GUCA1C: variants seen among roughly 807,000 people sequenced by gnomAD.
GUCA1C encodes the protein guanylate cyclase activator 1C, also known as guanylyl cyclase-activating protein 3.
Under a neutral mutation model 16.2 loss-of-function variants are expected in GUCA1C, and 15 were observed. The observed-to-expected ratio is 0.93, with a 90% CI of 0.62 to 1.43. The LOEUF (loss-of-function observed/expected upper bound fraction) is 1.43, where lower values mean the gene tolerates loss of function less well. GUCA1C is among the 40% of genes most tolerant of loss of function. The pLI is 0.00. For missense variants in GUCA1C, 275 were observed against 244.8 expected (o/e 1.12, Z -0.82); for synonymous variants, 78 against 85.4 (o/e 0.91, Z 0.48).
chr3:108,940,654 C>A (rs142267630), intron 1 of GUCA1C, among the ~76,000 whole-genome samples: 1 of 152,332 alleles, frequency 6.6e-6, no homozygotes, highest in African/African-American at 2.4e-5. Flanking sequence ...GCAACTCCTG[C>A]ACCTGTAGAA....
chr3:108,933,427 T>C (rs910546930), intron 1 of GUCA1C, among the ~76,000 whole-genome samples: 3 of 152,082 alleles, frequency 2.0e-5, no homozygotes, highest in Non-Finnish European at 4.4e-5. Context: ...GGAGGAGGTG[T>C]CAGGATATGA....
At chr3:108,936,344 A>T (rs1321140075) in intron 1 of GUCA1C, among the ~76,000 whole-genome samples, 1 of 152,216 alleles carries the variant, frequency 6.6e-6, no homozygotes, top group African/African-American at 2.4e-5. Flanking sequence ...TTTTTCAAAA[A>T]AAAAGAAAGA....
intron 2 of GUCA1C, among the ~76,000 whole-genome samples, chr3:108,916,494 G>A (rs557313549): frequency 6.6e-6 from 1 of 152,302 alleles, no homozygotes; most frequent in East Asian, 1.9e-4. Context: ...GAGCCCATTG[G>A]AGAAAATATT....
At chr3:108,938,784 T>C (rs1946754990) in intron 1 of GUCA1C, among the ~76,000 whole-genome samples, 1 of 152,246 alleles carries the variant, frequency 6.6e-6, no homozygotes, top group Admixed American at 6.5e-5. Context: ...ACTGTTGTTC[T>C]TGACTTGACC....
chr3:108,952,240 G>A (rs888295738), intron 1 of GUCA1C, among the ~76,000 whole-genome samples: 3 of 152,202 alleles, frequency 2.0e-5, no homozygotes, highest in African/African-American at 4.8e-5. Context: ...TACACAGGGA[G>A]AGGCAAATAA....
At chr3:108,954,119 T>C (rs36015028), upstream of GUCA1C, among the ~76,000 whole-genome samples, 5,584 of 152,222 alleles carry the variant, frequency 0.037, 204 homozygotes, top group Middle Eastern at 0.12. Flanking sequence ...GGCAGGAACT[T>C]TGAGTTGCAA....
rs773271216 is a variant in GUCA1C at position 108,916,040 on chromosome 3, T to C, written c.442+87A>G. 9.0e-6 allele frequency: 14 copies of C among 1,563,052 alleles called. No individual in the cohort carries two copies. The African/African-American group carries it at 1.2e-4, about 14-fold the overall frequency. Reference sequence around the variant, plus strand: ...TCACAACTAGGGTTCTCTTGAATGGTTCCTGCTTTTGTCTAAATAACACTC... The same window carrying C: ...TCACAACTAGGGTTCTCTTGAATGGCTCCTGCTTTTGTCTAAATAACACTC... On this transcript the variant is annotated intron_variant, in intron 3 of 3. Coordinates refer to ENST00000261047, the MANE Select transcript of GUCA1C (RefSeq NM_005459.4).
At chr3:108,951,736 C>T (rs1348134224) in intron 1 of GUCA1C, among the ~76,000 whole-genome samples, 3 of 152,204 alleles carry the variant, frequency 2.0e-5, no homozygotes, top group African/African-American at 7.2e-5. Context: ...AACATAAAAT[C>T]TCTTTGATGA....
At chr3:108,950,788 T>C (rs969903530) in intron 1 of GUCA1C, among the ~76,000 whole-genome samples, 1 of 151,972 alleles carries the variant, frequency 6.6e-6, no homozygotes, top group African/African-American at 2.4e-5. Context: ...CTGTGAAATG[T>C]GAGGTTGACA....
chr3:108,913,152 T>C (rs1946473242), intron 3 of GUCA1C, among the ~76,000 whole-genome samples: 1 of 152,056 alleles, frequency 6.6e-6, no homozygotes, highest in Admixed American at 6.6e-5. Flanking sequence ...TTGTGTGCTG[T>C]GATCATCTTT....
chr3:108,910,454 C>T (rs12630801), intron 3 of GUCA1C, among the ~76,000 whole-genome samples: 92,002 of 149,764 alleles, frequency 0.61, 29,078 homozygotes, highest in East Asian at 0.78. Context: ...GCCGAGATGG[C>T]GCCACTGCAC....
rs71106611 is a variant in GUCA1C at position 108,932,340 on chromosome 3, C to CA, written c.205-11756dup. Among the ~76,000 whole-genome samples, 226 of 117,858 alleles carry CA rather than the reference C, an allele frequency of 1.9e-3. 4 individuals carry two copies. In the South Asian group the frequency reaches 0.03, roughly 16 times the overall value. The allele number at this position is 117,858 out of a possible 152,430, so 77.3% of individuals were successfully genotyped here. On this transcript the variant is annotated intron_variant, in intron 1 of 3. Transcript: ENST00000261047. ...CCTCCCACCAAAAAAAAAAAAAAAA[C>CA]AAAAAAAAAAAACAGCATCAAAGCT...
chr3:108,927,108 G>A (rs1359724649), intron 1 of GUCA1C, among the ~76,000 whole-genome samples: 1 of 152,162 alleles, frequency 6.6e-6, no homozygotes, highest in African/African-American at 2.4e-5. Flanking sequence ...CTGTTAATCT[G>A]ATAGATTTTC....
chr3:108,927,708 C>G (rs956249630), intron 1 of GUCA1C, among the ~76,000 whole-genome samples: 8 of 152,168 alleles, frequency 5.3e-5, no homozygotes, highest in Admixed American at 5.2e-4. Context: ...TAATAATCGA[C>G]CTTCTGAATT....
chr3:108,954,735 C>CTTT (rs35104093), upstream of GUCA1C, among the ~76,000 whole-genome samples: 6 of 129,302 alleles, frequency 4.6e-5, no homozygotes, highest in East Asian at 4.3e-4. Flanking sequence ...TATAGTTCTC[C>CTTT]TTTTTTTTTT....
intron 1 of GUCA1C, among the ~76,000 whole-genome samples, chr3:108,941,188 C>T (rs986974212): frequency 2.6e-5 from 4 of 152,216 alleles, no homozygotes; most frequent in East Asian, 1.9e-4. Context: ...CCCACAGCCC[C>T]GCTACTTCTC....
chr3:108,912,103 C>CAATAATAATAATAATAATAATAAT (rs144187451), intron 3 of GUCA1C, among the ~76,000 whole-genome samples: 12,576 of 125,482 alleles, frequency 0.1, 739 homozygotes, highest in African/African-American at 0.12. Flanking sequence ...GACTCCGTCT[C>CAATAATAATAATAATAATAATAAT]AATAATAATA....
intron 1 of GUCA1C, among the ~76,000 whole-genome samples, chr3:108,945,120 T>C (rs1946831497): frequency 6.6e-6 from 1 of 152,170 alleles, no homozygotes; most frequent in Non-Finnish European, 1.5e-5. Context: ...GCAAGTACTT[T>C]CCCGAGAATT....
intron 1 of GUCA1C, among the ~76,000 whole-genome samples, chr3:108,937,582 CTAA>C (rs1393908890): frequency 5.3e-5 from 8 of 152,144 alleles, no homozygotes; most frequent in African/African-American, 1.9e-4. Flanking sequence ...ACAGACTGAA[CTAA>C]TAATAATAAC....
Sources: allele counts gnomAD v4.1 joint callset (sites outside exome capture counted in the v4.1 genomes callset), GRCh38; gene constraint gnomAD v4.1.1; transcripts MANE v1.5; gene names NCBI Gene and HGNC (gene_info 2026-07-23, HGNC 2026-07-21).